DYRK1A: variants seen among roughly 807,000 people sequenced by gnomAD.
DYRK1A encodes the protein dual specificity tyrosine-phosphorylation-regulated kinase 1A.
In DYRK1A, 9 loss-of-function variants were observed where a neutral mutation model predicts 79.7. The observed-to-expected ratio is 0.11, with a 90% CI of 0.07 to 0.20. DYRK1A has a LOEUF of 0.20. DYRK1A is among the 10% of genes least tolerant of loss of function. The pLI is 1.00. For missense variants in DYRK1A, 622 were observed against 956.0 expected (o/e 0.65, Z 4.61); for synonymous variants, 349 against 329.7 (o/e 1.06, Z -0.63).
rs16995197 is a variant in DYRK1A at position 37,483,360 on chromosome 21, G to A, written c.489+2534G>A. Among the ~76,000 whole-genome samples, 1,380 of 152,280 alleles carry A rather than the reference G, an allele frequency of 9.1e-3. 19 individuals are homozygous for A. The highest frequency in any genetic ancestry group is 0.032 in the African/African-American group (1,324 of 41,558). On this transcript the variant is annotated intron_variant, in intron 5 of 11. Coordinates refer to ENST00000647188, the MANE Select transcript of DYRK1A (RefSeq NM_001347721.2). ...ATTAGCAGCCACAGGTCTAAATCCA[G>A]AAAAATAAACGTGTAAGCAAATATG...
At position 37,489,633 on chromosome 21, in the gene DYRK1A, T is replaced by TAAA. The variant is rs58419137; in HGVS notation, c.638-532_638-530dup. On this transcript the variant is annotated intron_variant, in intron 6 of 11. Transcript: ENST00000647188. ...ACATTTGTTGTATTTGCCTAAAGGG[T>TAAA]AAAAAAAAAAAAGGCTATCAATGAA... Among the ~76,000 whole-genome samples the TAAA allele has an allele frequency of 4.0e-4, 57 of 143,644 alleles. 1 individual carries two copies. The highest frequency in any genetic ancestry group is 6.0e-4 in the East Asian group (3 of 4,986). The allele number at this position is 143,644 out of a possible 152,430, so 94.2% of individuals were successfully genotyped here. A position where few individuals can be genotyped will look rare whatever the true frequency, so the allele number is the denominator to read the frequency against.
At chr21:37,497,533 C>T (rs948533471) in intron 9 of DYRK1A, among the ~76,000 whole-genome samples, 1 of 152,126 alleles carries the variant, frequency 6.6e-6, no homozygotes, top group Non-Finnish European at 1.5e-5. Flanking sequence ...CATTTAAAGG[C>T]GTTCCTACCA....
chr21:37,470,200 T>G (rs1385659525), intron 2 of DYRK1A, among the ~76,000 whole-genome samples: 1 of 152,054 alleles, frequency 6.6e-6, no homozygotes, highest in African/African-American at 2.4e-5. Context: ...TAGTAACTTT[T>G]GAGGAAGAGG....
chr21:37,506,173 C>T lies in DYRK1A; in HGVS notation c.1594C>T (p.His532Tyr), dbSNP rs1555991472. 6.2e-7 allele frequency: 1 copy of T among 1,614,184 alleles called. No individual in the cohort carries two copies. The highest frequency in any genetic ancestry group is 1.7e-4 in the Middle Eastern group (1 of 6,060). Residue 532 changes from histidine (H) to tyrosine (Y), a missense_variant, in exon 11 of 12, where the codon CAC becomes TAC. Physicochemically the swap from His to Tyr is moderately conservative, Grantham distance 83 (BLOSUM62 2). Coordinates refer to ENST00000647188, the MANE Select transcript of DYRK1A (RefSeq NM_001347721.2). ...GCACCAGCATCGGCACAGTGGTGGGCACTTCACAGCTGCCGTGCAGGCCAT... is the reference window on the plus strand; with the variant it reads ...GCACCAGCATCGGCACAGTGGTGGGTACTTCACAGCTGCCGTGCAGGCCAT... ...PTHQHRHSGG[H>Y]FTAAVQAMDC...
chr21:37,482,656 C>T (rs1052455176), intron 5 of DYRK1A, among the ~76,000 whole-genome samples: 9 of 152,168 alleles, frequency 5.9e-5, no homozygotes, highest in Admixed American at 1.3e-4. Flanking sequence ...GACAACTGGT[C>T]TGACCAAAAT....
At position 37,526,257 on chromosome 21, in the gene DYRK1A, A is replaced by G. The variant is rs1264414195; in HGVS notation, c.*13726A>G. ...TTGATCTGCATTTGAGAAGTGATTA[A>G]TGTGTTGAAAGGCAACTATCTAAAG... On this transcript the variant is annotated 3_prime_UTR_variant, in exon 12 of 12. Coordinates refer to ENST00000647188, the MANE Select transcript of DYRK1A (RefSeq NM_001347721.2). 1 of 152,232 alleles carries G rather than the reference A, an allele frequency of 6.6e-6. No homozygotes were observed. Among genetic ancestry groups the G allele is most frequent in the Non-Finnish European group, 1.5e-5 (1 of 68,038 alleles). The allele number at this position is 152,232 out of a possible 1,614,324, so 9.4% of individuals were successfully genotyped here.
chr21:37,385,098 G>C (rs930401150), intron 1 of DYRK1A, among the ~76,000 whole-genome samples: 7 of 152,062 alleles, frequency 4.6e-5, no homozygotes, highest in Middle Eastern at 3.2e-3. Flanking sequence ...ACATCTACAT[G>C]AAGTTAGAGT....
At chr21:37,395,380 A>AGT (rs528413777) in intron 1 of DYRK1A, among the ~76,000 whole-genome samples, 7 of 152,152 alleles carry the variant, frequency 4.6e-5, no homozygotes, top group African/African-American at 1.7e-4. Context: ...GTTATTGGGG[A>AGT]GTATATATTC....
chr21:37,507,561 C>G (rs1027391178), intron 11 of DYRK1A, among the ~76,000 whole-genome samples: 10 of 152,194 alleles, frequency 6.6e-5, no homozygotes, highest in Non-Finnish European at 1.5e-4. Context: ...CACCCTAATG[C>G]TGTCTTTCTG....
chr21:37,455,468 C>A (rs1379897569), intron 2 of DYRK1A, among the ~76,000 whole-genome samples: 3 of 152,042 alleles, frequency 2.0e-5, no homozygotes, highest in Admixed American at 2.0e-4. Flanking sequence ...AATTTAATTT[C>A]TTTTTCTGAC....
At chr21:37,481,082 T>C in intron 5 of DYRK1A, 1 of 369,848 alleles carries the variant, frequency 2.7e-6, no homozygotes, top group Non-Finnish European at 4.8e-6. Flanking sequence ...TTTTAATCAC[T>C]TAATAGATAG....
chr21:37,503,133 C>T (rs2053500502), intron 9 of DYRK1A: 1 of 152,124 alleles, frequency 6.6e-6, no homozygotes, highest in African/African-American at 2.4e-5. Context: ...TGGGAGTTCA[C>T]TGAGTTTCTT....
chr21:37,459,539 G>T (rs1430127494), intron 2 of DYRK1A, among the ~76,000 whole-genome samples: 1 of 152,064 alleles, frequency 6.6e-6, no homozygotes, highest in East Asian at 1.9e-4. Context: ...AGTGGTGGTA[G>T]ATTTTGTTTA....
chr21:37,489,070 CA>C, intron 6 of DYRK1A, among the ~76,000 whole-genome samples: 1 of 152,070 alleles, frequency 6.6e-6, no homozygotes, highest in Non-Finnish European at 1.5e-5. Context: ...GATCTAAAAG[CA>C]ATATTGATGT....
chr21:37,428,909 G>A (rs2050699683), intron 2 of DYRK1A: 1 of 152,104 alleles, frequency 6.6e-6, no homozygotes, highest in Non-Finnish European at 1.5e-5. Flanking sequence ...GGGATTACAG[G>A]TATGAGCCAC....
Position 37,493,183 on chromosome 21 carries a change from A to C in DYRK1A, c.1071+20A>C. 1 of 1,565,064 alleles carries C rather than the reference A, an allele frequency of 6.4e-7. No homozygotes were observed. Among genetic ancestry groups the C allele is most frequent in the Middle Eastern group, 1.7e-4 (1 of 5,884 alleles). Reference sequence around the variant, plus strand: ...AATGAGGTAAATGATGTATTGCTTTACAAATTCTGTTTTCATAATTTCTTT... The same window carrying C: ...AATGAGGTAAATGATGTATTGCTTTCCAAATTCTGTTTTCATAATTTCTTT... On this transcript the variant is annotated intron_variant, in intron 8 of 11. Coordinates refer to ENST00000647188, the MANE Select transcript of DYRK1A (RefSeq NM_001347721.2).
chr21:37,522,624 T>C lies in DYRK1A; in HGVS notation c.*10093T>C, dbSNP rs2053942330. The C allele has an allele frequency of 6.6e-6, 1 of 152,222 alleles. No individual in the cohort carries two copies. Among genetic ancestry groups the C allele is most frequent in the South Asian group, 2.1e-4 (1 of 4,830 alleles). 9.4% of individuals were successfully genotyped at this position (152,222 alleles called of 1,614,324 possible). ...CCTGTATTGTCCTAATGAACCACAC[T>C]GGTGCCTACAAAATTTTTATTTTGG... On this transcript the variant is annotated 3_prime_UTR_variant, in exon 12 of 12. Coordinates refer to ENST00000647188, the MANE Select transcript of DYRK1A (RefSeq NM_001347721.2).
At chr21:37,459,206 C>T (rs1269015876) in intron 2 of DYRK1A, among the ~76,000 whole-genome samples, 1 of 152,142 alleles carries the variant, frequency 6.6e-6, no homozygotes, top group Non-Finnish European at 1.5e-5. Flanking sequence ...CTTTGATGGA[C>T]AATCATTTTA....
chr21:37,381,579 C>T (rs1051871963), intron 1 of DYRK1A, among the ~76,000 whole-genome samples: 1 of 152,174 alleles, frequency 6.6e-6, no homozygotes, highest in Non-Finnish European at 1.5e-5. Context: ...GTTCATTCAG[C>T]AGTTATATCT....
Sources: gnomAD v4.1 joint callset for allele counts (sites outside exome capture counted in the v4.1 genomes callset) on GRCh38, gnomAD v4.1.1 for gene constraint, MANE v1.5 for transcripts, NCBI Gene and HGNC (gene_info 2026-07-23, HGNC 2026-07-21) for gene names.